Variants in GLYATL2 observed in about 807,000 individuals in gnomAD.
GLYATL2 encodes the protein glycine-N-acyltransferase like 2.
In GLYATL2, 25 loss-of-function variants were observed where a neutral mutation model predicts 21.4. That is an observed-to-expected ratio of 1.17 (90% CI 0.85 to 1.63). The LOEUF is 1.63. Among genes scored for constraint, GLYATL2 ranks in the 40% most tolerant of loss-of-function variants. GLYATL2 has a pLI of 0.00. For missense variants in GLYATL2, 361 were observed against 343.3 expected (o/e 1.05, Z -0.41); for synonymous variants, 114 against 118.2 (o/e 0.96, Z 0.23).
chr11:58,884,281 G>A (rs1854396709), intron 1 of GLYATL2, among the ~76,000 whole-genome samples: 1 of 152,182 alleles, frequency 6.6e-6, no homozygotes, highest in South Asian at 2.1e-4. Flanking sequence ...AATTGTCCCT[G>A]TTTGCAGATG....
intron 1 of GLYATL2, among the ~76,000 whole-genome samples, chr11:58,899,909 G>A (rs938060819): frequency 2.6e-5 from 4 of 151,998 alleles, no homozygotes; most frequent in Non-Finnish European, 4.4e-5. Flanking sequence ...TTACTCTTGC[G>A]TACGGCAATA....
chr11:58,844,921 C>A (rs1439812976), upstream of GLYATL2: 1 of 152,022 alleles, frequency 6.6e-6, no homozygotes, highest in Non-Finnish European at 1.5e-5. Context: ...TTGGAAAAAG[C>A]CAAAAATGCC....
At chr11:58,904,685 T>A (rs1854816953), upstream of GLYATL2, among the ~76,000 whole-genome samples, 1 of 152,244 alleles carries the variant, frequency 6.6e-6, no homozygotes, top group Admixed American at 6.5e-5. Context: ...TTTGATATTA[T>A]TTTTACAATT....
chr11:58,886,081 T>C (rs2134617281), intron 1 of GLYATL2, among the ~76,000 whole-genome samples: 2 of 152,124 alleles, frequency 1.3e-5, no homozygotes, highest in East Asian at 3.9e-4. Flanking sequence ...CAGGGCATGG[T>C]GGTACATGTT....
At chr11:58,896,631 AAGATGGAGT>A (rs1458372994) in intron 1 of GLYATL2, among the ~76,000 whole-genome samples, 3 of 152,174 alleles carry the variant, frequency 2.0e-5, no homozygotes, top group Non-Finnish European at 4.4e-5. Context: ...CAAGGACACA[AAGATGGAGT>A]AGGGACGGGT....
At chr11:58,885,205 C>G (rs555140416) in intron 1 of GLYATL2, among the ~76,000 whole-genome samples, 39 of 152,326 alleles carry the variant, frequency 2.6e-4, no homozygotes, top group Non-Finnish European at 4.7e-4. Context: ...AAGTGCCAAG[C>G]TAGTGCACAG....
At chr11:58,852,481 T>C (rs1853758654) in intron 1 of GLYATL2, among the ~76,000 whole-genome samples, 1 of 152,190 alleles carries the variant, frequency 6.6e-6, no homozygotes. Context: ...CATTCAAACT[T>C]CTTAGTATAT....
chr11:58,899,531 G>C (rs1285745974), intron 1 of GLYATL2, among the ~76,000 whole-genome samples: 1 of 152,180 alleles, frequency 6.6e-6, no homozygotes, highest in Non-Finnish European at 1.5e-5. Context: ...AATAGGAAAA[G>C]AGGCCTCAGA....
chr11:58,834,673 C>T lies in GLYATL2; in HGVS notation c.641G>A (p.Trp214Ter). ...VLGPEGQLVSWIVMEQSCELR... is the reference protein window; with the variant it reads ...VLGPEGQLVS ...CTCACAGGACTGTTCCATCACAATC[C>T]AAGAGACAAGCTGGCCCTCTGGACC... The change falls in exon 6 of 6, where the codon TGG becomes TAG. Residue 214 changes from tryptophan to a stop codon, truncating the protein, a stop_gained. Transcript: ENST00000287275. LOFTEE classifies it low-confidence loss of function (END_TRUNC). 1 of 1,613,470 alleles carries T rather than the reference C, an allele frequency of 6.2e-7. No individual in the cohort carries two copies. Among genetic ancestry groups the T allele is most frequent in the Non-Finnish European group, 8.5e-7 (1 of 1,179,978 alleles).
chr11:58,835,913 C>CA (rs1465430633), intron 5 of GLYATL2, among the ~76,000 whole-genome samples: 2 of 152,160 alleles, frequency 1.3e-5, no homozygotes, highest in Non-Finnish European at 2.9e-5. Context: ...CATATGAACA[C>CA]TGGTGGGGCA....
upstream of GLYATL2, among the ~76,000 whole-genome samples, chr11:58,904,477 A>G (rs1237324417): frequency 6.6e-6 from 1 of 152,176 alleles, no homozygotes; most frequent in East Asian, 1.9e-4. Flanking sequence ...ACTTTCGACA[A>G]TACTATTCTC....
intron 1 of GLYATL2, among the ~76,000 whole-genome samples, chr11:58,898,710 G>A (rs1854678392): frequency 6.6e-6 from 1 of 151,948 alleles, no homozygotes; most frequent in Admixed American, 6.5e-5. Flanking sequence ...TGGGATGCCT[G>A]TAGTCCCAGT....
intron 1 of GLYATL2, among the ~76,000 whole-genome samples, chr11:58,899,303 C>T (rs995046049): frequency 4.6e-5 from 7 of 152,122 alleles, no homozygotes; most frequent in East Asian, 3.9e-4. Flanking sequence ...AAAGCTGTCT[C>T]CCTCCACTCC....
At chr11:58,876,403 TC>T (rs1854233751) in intron 1 of GLYATL2, among the ~76,000 whole-genome samples, 1 of 152,216 alleles carries the variant, frequency 6.6e-6, no homozygotes, top group Non-Finnish European at 1.5e-5. Flanking sequence ...GCTCTGTTTT[TC>T]CCCATCTTTG....
rs113027462 is a variant in GLYATL2 at position 58,876,575 on chromosome 11, G to A, written n.60+27581C>T. 1.6e-4 allele frequency among the ~76,000 whole-genome samples: 24 copies of A among 152,304 alleles called. No homozygotes were observed. The East Asian group carries it at 4.6e-3, about 29-fold the overall frequency. ...TCTACTCCAGACCCTGTTTGCCTAG[G>A]TATCAGCAGTGGTGGCTGCAGAACA... On this transcript the variant is annotated intron_variant and non_coding_transcript_variant, in intron 1 of 4. Transcript: ENST00000533636.
At chr11:58,853,114 T>A (rs1235802000) in intron 1 of GLYATL2, among the ~76,000 whole-genome samples, 1 of 152,216 alleles carries the variant, frequency 6.6e-6, no homozygotes, top group East Asian at 1.9e-4. Context: ...TTTAGATGAA[T>A]TCATCTAAGT....
intron 1 of GLYATL2, among the ~76,000 whole-genome samples, chr11:58,862,069 A>AC (rs887572754): frequency 1.4e-3 from 177 of 126,364 alleles, no homozygotes; most frequent in African/African-American, 4.4e-3. Context: ...ACAAAAAAAA[A>AC]CAGATTTTGT....
chr11:58,837,361 A>G lies in GLYATL2; in HGVS notation c.223T>C (p.Tyr75His). The G allele has an allele frequency of 6.2e-7, 1 of 1,613,468 alleles. No individual in the cohort carries two copies. The highest frequency in any genetic ancestry group is 1.1e-5 in the South Asian group (1 of 91,072). ...TCAGGAGCTTTGGTGAAGATGTGGTAAGTGTTGGTATAATGATCCTGGTCA... is the reference window on the plus strand; with the variant it reads ...TCAGGAGCTTTGGTGAAGATGTGGTGAGTGTTGGTATAATGATCCTGGTCA... Reference protein sequence around the residue: ...KDDQDHYTNTYHIFTKAPDKL... With the variant: ...KDDQDHYTNTHHIFTKAPDKL... Residue 75 changes from tyrosine to histidine, a missense_variant, in exon 4 of 6, where the codon TAC becomes CAC. Physicochemically the swap from Tyr to His is moderately conservative, Grantham distance 83 (BLOSUM62 2). Coordinates refer to ENST00000287275, the MANE Select transcript of GLYATL2 (RefSeq NM_145016.4).
At chr11:58,892,756 A>C (rs938333607) in intron 1 of GLYATL2, 5 of 344,046 alleles carry the variant, frequency 1.5e-5, no homozygotes, top group Non-Finnish European at 2.9e-5. Context: ...GTATTATGGA[A>C]GATATCCTGA....
Sources: gnomAD v4.1 joint callset for allele counts (sites outside exome capture counted in the v4.1 genomes callset) on GRCh38, gnomAD v4.1.1 for gene constraint, MANE v1.5 for transcripts, NCBI Gene and HGNC (gene_info 2026-07-23, HGNC 2026-07-21) for gene names.